ILDR1: variants seen among roughly 807,000 people sequenced by gnomAD.
ILDR1 encodes the protein immunoglobulin-like domain-containing receptor 1.
ILDR1 carries 56 observed loss-of-function variants against 62.4 expected under a neutral mutation model. The observed-to-expected ratio is 0.90, with a 90% confidence interval of 0.72 to 1.12. The LOEUF (loss-of-function observed/expected upper bound fraction) is 1.12, where lower values mean the gene tolerates loss of function less well. Ranked by LOEUF, ILDR1 falls within the 50% of genes most tolerant of loss-of-function variation. ILDR1 has a pLI of 0.00. For missense variants in ILDR1, 736 were observed against 710.6 expected (o/e 1.04, Z -0.41); for synonymous variants, 284 against 277.8 (o/e 1.02, Z -0.22).
the ILDR1 span, among the ~76,000 whole-genome samples, chr3:122,040,475 A>T: frequency 0.045 from 6,806 of 151,998 alleles, 213 homozygotes; most frequent in South Asian, 0.1. Context: ...AAAAAATAAT[A>T]TCTTAGAAAA....
chr3:122,057,078 A>G, the ILDR1 span, among the ~76,000 whole-genome samples: 9 of 152,258 alleles, frequency 5.9e-5, no homozygotes, highest in Non-Finnish European at 1.2e-4. Flanking sequence ...GATAAATATT[A>G]AGTTTTAAAA....
At chr3:122,044,644 G>T in the ILDR1 span, among the ~76,000 whole-genome samples, 6 of 151,322 alleles carry the variant, frequency 4.0e-5, no homozygotes, top group Non-Finnish European at 5.9e-5. Context: ...GTTTAGTCTT[G>T]GGAGAGTGTA....
At chr3:122,042,710 CTTCTT>C in the ILDR1 span, among the ~76,000 whole-genome samples, 1 of 152,262 alleles carries the variant, frequency 6.6e-6, no homozygotes, top group African/African-American at 2.4e-5. Context: ...GCATAAATGT[CTTCTT>C]TTGAGAAGTG....
chr3:122,057,193 A>G, the ILDR1 span, among the ~76,000 whole-genome samples: 4 of 152,364 alleles, frequency 2.6e-5, no homozygotes, highest in Non-Finnish European at 4.4e-5. Flanking sequence ...ATCTAGTGAT[A>G]CATATCAAAA....
chr3:122,005,464 C>T (rs1390378397), intron 2 of ILDR1, 71 bp from the exon 3 acceptor site: 2 of 1,561,012 alleles, frequency 1.3e-6, no homozygotes, highest in East Asian at 2.3e-5. Context: ...TCCCTTCCTG[C>T]TCCGGGCGTG....
the ILDR1 span, among the ~76,000 whole-genome samples, chr3:122,047,203 T>TG: frequency 4.6e-5 from 7 of 151,208 alleles, no homozygotes; most frequent in Non-Finnish European, 1.5e-5. Flanking sequence ...GTGCCCCTGC[T>TG]GGGGGGTGCC....
At chr3:122,042,564 C>T in the ILDR1 span, among the ~76,000 whole-genome samples, 6 of 147,916 alleles carry the variant, frequency 4.1e-5, no homozygotes, top group Admixed American at 1.4e-4. Context: ...TTCTCCACAT[C>T]CTCTCCAGCA....
At chr3:122,051,532 A>G in the ILDR1 span, among the ~76,000 whole-genome samples, 1 of 152,040 alleles carries the variant, frequency 6.6e-6, no homozygotes, top group African/African-American at 2.4e-5. Flanking sequence ...TTCATGCATC[A>G]CTTTCCTGAA....
chr3:122,022,255 C>T (rs2107683846), upstream of ILDR1: 1 of 538,782 alleles, frequency 1.9e-6, no homozygotes, highest in Non-Finnish European at 3.2e-6. Flanking sequence ...CCCGGCTCGT[C>T]CCCACCTGCG....
intron 1 of ILDR1, among the ~76,000 whole-genome samples, chr3:122,011,375 A>G (rs1297776921): frequency 6.6e-6 from 1 of 152,088 alleles, no homozygotes; most frequent in Non-Finnish European, 1.5e-5. Flanking sequence ...GAGAAAGGTG[A>G]TCACTCAGCT....
chr3:122,049,054 A>G, the ILDR1 span, among the ~76,000 whole-genome samples: 53 of 152,266 alleles, frequency 3.5e-4, no homozygotes, highest in African/African-American at 1.2e-3. Context: ...ATTGTTATCA[A>G]CTTCCCTCTT....
the ILDR1 span, among the ~76,000 whole-genome samples, chr3:122,028,802 G>A: frequency 1.3e-5 from 2 of 152,226 alleles, no homozygotes; most frequent in Non-Finnish European, 2.9e-5. Flanking sequence ...TGTGAGAAGT[G>A]TAAATTGAGT....
chr3:122,049,420 G>T, the ILDR1 span, among the ~76,000 whole-genome samples: 1 of 152,114 alleles, frequency 6.6e-6, no homozygotes, highest in African/African-American at 2.4e-5. Flanking sequence ...CAAGCCCCTT[G>T]TTAACTAATT....
At chr3:121,998,556 C>T (rs756943298) in intron 5 of ILDR1, among the ~76,000 whole-genome samples, 2 of 152,194 alleles carry the variant, frequency 1.3e-5, no homozygotes, top group Non-Finnish European at 2.9e-5. Context: ...AAACAACTCT[C>T]CCGCAGAACC....
intron 1 of ILDR1, among the ~76,000 whole-genome samples, chr3:122,008,526 C>T (rs902510527): frequency 2.6e-5 from 4 of 152,010 alleles, no homozygotes; most frequent in South Asian, 4.2e-4. Flanking sequence ...TTTCTAGTTC[C>T]GTAGGACTTG....
At chr3:122,047,380 C>T in the ILDR1 span, among the ~76,000 whole-genome samples, 12 of 152,360 alleles carry the variant, frequency 7.9e-5, no homozygotes, top group African/African-American at 2.9e-4. Context: ...TTGTCTGTGC[C>T]CTGCCCCCAG....
chr3:122,016,197 C>T (rs748481696), intron 1 of ILDR1, among the ~76,000 whole-genome samples: 10 of 152,238 alleles, frequency 6.6e-5, no homozygotes, highest in Non-Finnish European at 1.0e-4. Context: ...TTGAATTCAT[C>T]GTTCCTCAGT....
chr3:122,046,070 C>T, the ILDR1 span, among the ~76,000 whole-genome samples: 1 of 148,566 alleles, frequency 6.7e-6, no homozygotes, highest in Non-Finnish European at 1.5e-5. Flanking sequence ...TTGTTCCTTT[C>T]CATGTTTAGC....
intron 1 of ILDR1, among the ~76,000 whole-genome samples, chr3:122,019,801 G>A (rs540430523): frequency 2.0e-5 from 3 of 152,314 alleles, no homozygotes; most frequent in South Asian, 4.1e-4. Flanking sequence ...AGAGAATTGG[G>A]TTGACTCTTC....
Sources: allele counts gnomAD v4.1 joint callset (sites outside exome capture counted in the v4.1 genomes callset), GRCh38; gene constraint gnomAD v4.1.1; transcripts MANE v1.5; gene names NCBI Gene and HGNC (gene_info 2026-07-23, HGNC 2026-07-21).